Variants in GNAQ observed in about 807,000 individuals in gnomAD.
GNAQ encodes guanine nucleotide-binding protein G(q) subunit alpha.
GNAQ carries 8 observed loss-of-function variants against 43.9 expected under a neutral mutation model. That is an observed-to-expected ratio of 0.18 (90% CI 0.11 to 0.33). The LOEUF is 0.33. GNAQ is among the 10% of genes least tolerant of loss of function. GNAQ has a pLI of 1.00. For missense variants in GNAQ, 158 were observed against 450.8 expected (o/e 0.35, Z 5.88); for synonymous variants, 155 against 170.7 (o/e 0.91, Z 0.71).
chr9:78,000,657 T>C (rs999188760), intron 1 of GNAQ, among the ~76,000 whole-genome samples: 5 of 152,188 alleles, frequency 3.3e-5, no homozygotes, highest in African/African-American at 9.7e-5. Context: ...AGCTTTCCAG[T>C]GTGGGACTGA....
chr9:77,995,353 A>G (rs1823555854), intron 1 of GNAQ, among the ~76,000 whole-genome samples: 2 of 152,216 alleles, frequency 1.3e-5, no homozygotes, highest in South Asian at 4.1e-4. Flanking sequence ...TCCAAAGAGT[A>G]TTAATGACCA....
chr9:77,966,308 GCTTA>G (rs1176030162), intron 1 of GNAQ, among the ~76,000 whole-genome samples: 8 of 152,136 alleles, frequency 5.3e-5, no homozygotes, highest in Non-Finnish European at 1.2e-4. Context: ...AATATGTGCA[GCTTA>G]CTGAGTATCA....
chr9:77,868,568 C>T (rs1184693926), intron 2 of GNAQ, among the ~76,000 whole-genome samples: 4 of 152,068 alleles, frequency 2.6e-5, no homozygotes, highest in Non-Finnish European at 4.4e-5. Context: ...GAGGCAGAGG[C>T]GGGCTGATCA....
intron 1 of GNAQ, among the ~76,000 whole-genome samples, chr9:77,998,635 T>C (rs1425174186): frequency 2.0e-5 from 3 of 152,196 alleles, no homozygotes; most frequent in Non-Finnish European, 4.4e-5. Flanking sequence ...ATTGCTTCAA[T>C]ATCTATGAAC....
intron 1 of GNAQ, among the ~76,000 whole-genome samples, chr9:77,923,973 A>C (rs1454893361): frequency 3.3e-5 from 5 of 152,236 alleles, no homozygotes; most frequent in African/African-American, 9.6e-5. Flanking sequence ...TTTTCATAGA[A>C]GCCTCTTAAA....
intron 6 of GNAQ, among the ~76,000 whole-genome samples, chr9:77,724,728 A>G (rs1189003530): frequency 6.6e-6 from 1 of 152,204 alleles, no homozygotes; most frequent in Admixed American, 6.5e-5. Flanking sequence ...CAAATAGACT[A>G]TCCTCATTTG....
intron 5 of GNAQ, among the ~76,000 whole-genome samples, chr9:77,791,963 T>C (rs1372222177): frequency 6.6e-6 from 1 of 152,204 alleles, no homozygotes; most frequent in Non-Finnish European, 1.5e-5. Flanking sequence ...TCTGTAGTTC[T>C]GAATTTTCTT....
intron 2 of GNAQ, among the ~76,000 whole-genome samples, chr9:77,881,112 G>A (rs557938216): frequency 4.7e-4 from 71 of 152,182 alleles, no homozygotes; most frequent in South Asian, 1.0e-3. Context: ...TATGTCCCAA[G>A]CCCCTGACAC....
chr9:77,940,658 T>G (rs1330592222), intron 1 of GNAQ, among the ~76,000 whole-genome samples: 1 of 152,076 alleles, frequency 6.6e-6, no homozygotes, highest in East Asian at 1.9e-4. Context: ...AAAGAGTTAA[T>G]AGTGATGTAT....
chr9:77,785,870 A>G (rs1826468621), intron 5 of GNAQ, among the ~76,000 whole-genome samples: 1 of 152,192 alleles, frequency 6.6e-6, no homozygotes, highest in Admixed American at 6.5e-5. Context: ...ATAGAAGAGT[A>G]AAGGACAGAC....
Position 77,716,335 on chromosome 9 carries a change from T to G in GNAQ, c.*4988A>C, listed in dbSNP as rs1825226983. The G allele has an allele frequency of 4.3e-6, 1 of 232,316 alleles. No individual in the cohort carries two copies. The highest frequency in any genetic ancestry group is 2.2e-5 in the African/African-American group (1 of 45,304). The allele number at this position is 232,316 out of a possible 1,614,324, so 14.4% of individuals were successfully genotyped here. The stretch of plus-strand genomic sequence containing the variant: ...TCATTGGGGCATTATTATACAACAT[T>G]AGGTGTTTTTTGCAAAACTAGTTCC... On this transcript the variant is annotated 3_prime_UTR_variant, in exon 7 of 7. Coordinates refer to ENST00000286548, the MANE Select transcript of GNAQ (RefSeq NM_002072.5).
chr9:77,976,718 G>C (rs945701493), intron 1 of GNAQ, among the ~76,000 whole-genome samples: 2 of 150,796 alleles, frequency 1.3e-5, no homozygotes, highest in Non-Finnish European at 3.0e-5. Context: ...CTAGACAATA[G>C]TTTTAAGCTT....
chr9:77,917,057 G>A (rs1828919529), intron 2 of GNAQ, among the ~76,000 whole-genome samples: 1 of 152,126 alleles, frequency 6.6e-6, no homozygotes, highest in African/African-American at 2.4e-5. Context: ...GCATGTTACG[G>A]AGGAGATAAA....
chr9:78,031,331 C>A lies in GNAQ; in HGVS notation c.-96G>T, dbSNP rs1824057046. The A allele has an allele frequency of 1.0e-6, 1 of 1,003,464 alleles. No homozygotes were observed. The highest frequency in any genetic ancestry group is 3.5e-5 in the East Asian group (1 of 28,652). The allele number at this position is 1,003,464 out of a possible 1,614,324, so 62.2% of individuals were successfully genotyped here. Reference sequence around the variant, plus strand: ...CCTCGCTCCCCCGAGGCAGCGGTGGCCGCCGAGCCCCCGCCGCCCGGGCGC... The same window carrying A: ...CCTCGCTCCCCCGAGGCAGCGGTGGACGCCGAGCCCCCGCCGCCCGGGCGC... On this transcript the variant is annotated 5_prime_UTR_variant, in exon 1 of 7. Coordinates refer to ENST00000286548, the MANE Select transcript of GNAQ (RefSeq NM_002072.5).
Position 78,031,272 on chromosome 9 carries a change from C to G in GNAQ, c.-37G>C, listed in dbSNP as rs753569640. On this transcript the variant is annotated 5_prime_UTR_variant, in exon 1 of 7. Transcript: ENST00000286548. ...GCCTCCGCTGCAGCCCCGCCGGCAC[C>G]CCCTGCTCACAGCGCGCACACACAC... 7 of 1,444,536 alleles carry G rather than the reference C, an allele frequency of 4.8e-6. No individual in the cohort carries two copies. The highest frequency in any genetic ancestry group is 6.5e-6 in the Non-Finnish European group (7 of 1,082,432). 89.5% of individuals were successfully genotyped at this position (1,444,536 alleles called of 1,614,324 possible). A position where few individuals can be genotyped will look rare whatever the true frequency, so the allele number is the denominator to read the frequency against.
chr9:77,746,693 A>T (rs1389676654), intron 5 of GNAQ, among the ~76,000 whole-genome samples: 1 of 152,252 alleles, frequency 6.6e-6, no homozygotes, highest in Non-Finnish European at 1.5e-5. Flanking sequence ...AATTATCAAA[A>T]AATTGGGTTA....
chr9:77,761,567 C>G (rs1364117208), intron 5 of GNAQ, among the ~76,000 whole-genome samples: 2 of 138,586 alleles, frequency 1.4e-5, no homozygotes, highest in Non-Finnish European at 3.2e-5. Context: ...GCCCCCCGCC[C>G]GGCCAGCTGC....
At chr9:77,973,875 AT>A (rs1458930433) in intron 1 of GNAQ, among the ~76,000 whole-genome samples, 1 of 152,014 alleles carries the variant, frequency 6.6e-6, no homozygotes, top group African/African-American at 2.4e-5. Context: ...TTTCCAGGAA[AT>A]TTTTTTTAAA....
At chr9:77,853,381 C>T (rs899637337) in intron 2 of GNAQ, among the ~76,000 whole-genome samples, 5 of 152,066 alleles carry the variant, frequency 3.3e-5, no homozygotes, top group Non-Finnish European at 7.4e-5. Context: ...GTAACAGGGC[C>T]TAGTACAAGG....
Sources: gnomAD v4.1 joint callset for allele counts (sites outside exome capture counted in the v4.1 genomes callset) on GRCh38, gnomAD v4.1.1 for gene constraint, MANE v1.5 for transcripts, NCBI Gene and HGNC (gene_info 2026-07-23, HGNC 2026-07-21) for gene names.